Variants in HAUS6 observed in about 807,000 individuals in gnomAD.
HAUS6 encodes HAUS augmin like complex subunit 6, also known as HAUS augmin-like complex subunit 6.
A neutral mutation model predicts 106.8 loss-of-function variants in HAUS6; 80 were observed. The ratio of observed to expected loss-of-function variants is 0.75; its 90% CI spans 0.63 to 0.90. The LOEUF is 0.90. HAUS6 is among the 40% of genes least tolerant of loss of function. The probability of loss-of-function intolerance (pLI) is 0.00; values close to 1 mark genes in which losing one functional copy is unlikely to be tolerated. For missense variants in HAUS6, 1,155 were observed against 1,118.1 expected (o/e 1.03, Z -0.47); for synonymous variants, 356 against 379.1 (o/e 0.94, Z 0.71).
intron 4 of HAUS6, among the ~76,000 whole-genome samples, chr9:19,092,204 C>A (rs529059677): frequency 2.0e-5 from 3 of 151,880 alleles, no homozygotes; most frequent in East Asian, 1.9e-4. Context: ...TGCATGTAAT[C>A]CCAGCACTTT....
At chr9:19,059,082 G>A in intron 15 of HAUS6, 81 bp from the exon 16 acceptor site, 3 of 757,604 alleles carry the variant, frequency 4.0e-6, no homozygotes, top group Non-Finnish European at 6.5e-6. Context: ...TTCTAACACT[G>A]AAGATAAAGC....
At chr9:19,090,465 C>T (rs936260714) in intron 4 of HAUS6, among the ~76,000 whole-genome samples, 12 of 152,156 alleles carry the variant, frequency 7.9e-5, no homozygotes, top group African/African-American at 1.4e-4. Context: ...CCAGGGTTCA[C>T]GCCATTCTCC....
At chr9:19,090,007 T>TG (rs1387105500) in intron 4 of HAUS6, among the ~76,000 whole-genome samples, 1 of 151,952 alleles carries the variant, frequency 6.6e-6, no homozygotes, top group African/African-American at 2.4e-5. Flanking sequence ...TAGTTTTTTT[T>TG]TTATTATTTT....
chr9:19,094,180 G>GA, intron 3 of HAUS6, 137 bp downstream of exon 3: 2 of 526,938 alleles, frequency 3.8e-6, no homozygotes, highest in Non-Finnish European at 3.4e-6. Flanking sequence ...CATCAAAGAA[G>GA]ACTATTTTAA....
chr9:19,096,103 G>C (rs1476328126), intron 2 of HAUS6, among the ~76,000 whole-genome samples: 1 of 152,026 alleles, frequency 6.6e-6, no homozygotes, highest in East Asian at 1.9e-4. Context: ...TAAATAAAAT[G>C]TTAAGAAATC....
At chr9:19,100,911 TG>T (rs1564024175) in intron 1 of HAUS6, among the ~76,000 whole-genome samples, 1 of 152,040 alleles carries the variant, frequency 6.6e-6, no homozygotes, top group African/African-American at 2.4e-5. Flanking sequence ...GGGAGTAGAA[TG>T]GTGGTTAACA....
chr9:19,067,133 T>C (rs1447835715), intron 12 of HAUS6, among the ~76,000 whole-genome samples: 1 of 152,218 alleles, frequency 6.6e-6, no homozygotes, highest in Non-Finnish European at 1.5e-5. Context: ...CATGCTTTTT[T>C]AGTTGAATAG....
At position 19,083,037 on chromosome 9, in the gene HAUS6, A is replaced by C. The variant is rs760222467; in HGVS notation, c.706T>G (p.Ser236Ala). 4 of 1,577,508 alleles carry C rather than the reference A, an allele frequency of 2.5e-6. No individual in the cohort carries two copies. The highest frequency in any genetic ancestry group is 3.4e-6 in the Non-Finnish European group (4 of 1,166,186). ...NMEEKIQKVR[S>A]LWASVNETLM... ...GTTTCATTCACTGAAGCCCACAAAG[A>C]CCGAACCTTTGGAAACAGAAACAAA... The change falls in exon 8 of 17, where the codon TCT becomes GCT. Residue 236 changes from serine to alanine, a missense_variant. Around this residue, in one of 3 missense-constraint regions of HAUS6, gnomAD observed 761 missense variants for 690.0 expected, o/e 1.10. Coordinates refer to ENST00000380502, the MANE Select transcript of HAUS6 (RefSeq NM_017645.5).
At chr9:19,084,177 A>C (rs574167669) in intron 7 of HAUS6, among the ~76,000 whole-genome samples, 1 of 152,234 alleles carries the variant, frequency 6.6e-6, no homozygotes, top group South Asian at 2.1e-4. Context: ...ATAGAACACT[A>C]AGCAGCAATG....
chr9:19,081,222 G>C (rs1453843478), intron 8 of HAUS6, among the ~76,000 whole-genome samples: 1 of 151,996 alleles, frequency 6.6e-6, no homozygotes, highest in African/African-American at 2.4e-5. Context: ...TTACACAAAA[G>C]GTTGAAAACT....
chr9:19,097,754 T>C (rs1344152585), intron 1 of HAUS6, among the ~76,000 whole-genome samples: 3 of 139,774 alleles, frequency 2.1e-5, no homozygotes, highest in African/African-American at 7.9e-5. Flanking sequence ...CCCTAATTAA[T>C]CAAAACAAAG....
In HAUS6 at chr9:19,053,609, A is replaced by G. The variant is rs1836405524; in HGVS notation, c.*2734T>C. On this transcript the variant is annotated 3_prime_UTR_variant, in exon 17 of 17. Coordinates refer to ENST00000380502, the MANE Select transcript of HAUS6 (RefSeq NM_017645.5). Reference sequence around the variant, plus strand: ...TTGTCCTCTTTAAACATTTAAAATAATTAGAACATTTTAGCATTATCTCAG... The same window carrying G: ...TTGTCCTCTTTAAACATTTAAAATAGTTAGAACATTTTAGCATTATCTCAG... The G allele has an allele frequency of 6.6e-6, 1 of 152,208 alleles. No homozygotes were observed. The highest frequency in any genetic ancestry group is 6.5e-5 in the Admixed American group (1 of 15,278). 9.4% of individuals were successfully genotyped at this position (152,208 alleles called of 1,614,324 possible).
chr9:19,081,486 G>A (rs1046819099), intron 8 of HAUS6, among the ~76,000 whole-genome samples: 2 of 151,780 alleles, frequency 1.3e-5, no homozygotes, highest in East Asian at 3.9e-4. Flanking sequence ...TGTCTCCCAG[G>A]CTGGGTGCAG....
rs1837118910 is a variant in HAUS6, at chr9:19,080,575, C to T, written c.968G>A (p.Cys323Tyr). Residue 323 changes from cysteine to tyrosine, a missense_variant, in exon 9 of 17, where the codon TGT becomes TAT. Around this residue, in one of 3 missense-constraint regions of HAUS6, gnomAD observed 761 missense variants for 690.0 expected, o/e 1.10. Coordinates refer to ENST00000380502, the MANE Select transcript of HAUS6 (RefSeq NM_017645.5). ...EVLKVMKYER[C>Y]QADQARLTVD... is the part of the protein sequence containing the mutation. ...CGTCAATCTTGCTTGATCAGCCTGACAACGTTCATATTTCATCACCTTCAA... is the reference window on the plus strand; with the variant it reads ...CGTCAATCTTGCTTGATCAGCCTGATAACGTTCATATTTCATCACCTTCAA... The T allele has an allele frequency of 6.3e-7, 1 of 1,599,884 alleles. No individual in the cohort carries two copies. Among genetic ancestry groups the T allele is most frequent in the African/African-American group, 1.3e-5 (1 of 74,620 alleles).
intron 11 of HAUS6, among the ~76,000 whole-genome samples, chr9:19,075,377 G>C (rs767083973): frequency 6.6e-6 from 1 of 152,204 alleles, no homozygotes; most frequent in Non-Finnish European, 1.5e-5. Context: ...TGGGTGAATT[G>C]TATATGTGAA....
At chr9:19,091,826 T>C (rs1817756717) in intron 4 of HAUS6, among the ~76,000 whole-genome samples, 2 of 152,026 alleles carry the variant, frequency 1.3e-5, no homozygotes, top group African/African-American at 4.8e-5. Flanking sequence ...CATGCCAGGT[T>C]CATTTTTGTA....
intron 9 of HAUS6, among the ~76,000 whole-genome samples, chr9:19,079,068 G>A (rs1837075720): frequency 6.7e-6 from 1 of 148,894 alleles, no homozygotes; most frequent in Admixed American, 6.7e-5. Context: ...ACAAGCTGAG[G>A]CAGGAGAATC....
chr9:19,095,885 G>C (rs1443734470), intron 2 of HAUS6, among the ~76,000 whole-genome samples: 1 of 152,076 alleles, frequency 6.6e-6, no homozygotes, highest in Non-Finnish European at 1.5e-5. Context: ...TAATAGGAAT[G>C]ATTTTTGCCT....
chr9:19,092,583 C>T (rs1817775416), intron 4 of HAUS6, among the ~76,000 whole-genome samples: 1 of 143,992 alleles, frequency 6.9e-6, no homozygotes, highest in South Asian at 2.2e-4. Flanking sequence ...CCATTGCACT[C>T]CAGCCTGGGC....
Sources: gnomAD v4.1 joint callset for allele counts (sites outside exome capture counted in the v4.1 genomes callset) on GRCh38, gnomAD v4.1.1 for gene constraint, gnomAD v4.1.1 regional missense constraint, MANE v1.5 for transcripts, NCBI Gene and HGNC (gene_info 2026-07-23, HGNC 2026-07-21) for gene names.